GRM7: variants seen among roughly 807,000 people sequenced by gnomAD.
The protein encoded by GRM7 is metabotropic glutamate receptor 7.
In GRM7, 35 loss-of-function variants were observed where a neutral mutation model predicts 84.5. The observed-to-expected ratio is 0.41, with a 90% CI of 0.32 to 0.55. The LOEUF is 0.55. GRM7 is among the 20% of genes least tolerant of loss of function. The probability of loss-of-function intolerance (pLI) is 0.19; values close to 1 mark genes in which losing one functional copy is unlikely to be tolerated. For synonymous variants in GRM7, 487 were observed against 455.1 expected (o/e 1.07, Z -0.89); for missense variants, 1,003 against 1,194.6 (o/e 0.84, Z 2.36).
chr3:7,518,180 C>G (rs912317074), intron 7 of GRM7, among the ~76,000 whole-genome samples: 2 of 152,200 alleles, frequency 1.3e-5, no homozygotes, highest in Non-Finnish European at 2.9e-5. Context: ...GAGAGCACAG[C>G]TGTGGTGTGA....
At chr3:6,922,033 G>A (rs144978151) in intron 1 of GRM7, among the ~76,000 whole-genome samples, 9 of 152,326 alleles carry the variant, frequency 5.9e-5, no homozygotes, top group East Asian at 3.9e-4. Context: ...TTGGAGGGCC[G>A]TGGGGTTAGG....
At chr3:7,457,681 T>C in intron 6 of GRM7, among the ~76,000 whole-genome samples, 1 of 152,216 alleles carries the variant, frequency 6.6e-6, no homozygotes, top group East Asian at 1.9e-4. Context: ...GTGACTAATT[T>C]GGAAGTAGCA....
chr3:7,019,626 TAAC>T (rs1439489490), intron 1 of GRM7, among the ~76,000 whole-genome samples: 3 of 152,200 alleles, frequency 2.0e-5, no homozygotes, highest in Non-Finnish European at 4.4e-5. Context: ...GAAAGTGGTG[TAAC>T]AACTCTGAAA....
chr3:7,199,488 A>G (rs1695992478), intron 2 of GRM7, among the ~76,000 whole-genome samples: 1 of 152,236 alleles, frequency 6.6e-6, no homozygotes. Context: ...CTGGAGTATC[A>G]TGCTATGCAG....
chr3:7,211,338 T>G (rs1390942324), intron 2 of GRM7, among the ~76,000 whole-genome samples: 3 of 152,194 alleles, frequency 2.0e-5, no homozygotes, highest in Admixed American at 2.0e-4. Context: ...ATCAGATTTC[T>G]TACAGGTAAG....
intron 1 of GRM7, among the ~76,000 whole-genome samples, chr3:6,940,290 C>T (rs1217923720): frequency 6.6e-6 from 1 of 152,092 alleles, no homozygotes; most frequent in African/African-American, 2.4e-5. Context: ...TGGGGTTTCA[C>T]CATGTTGGCC....
At chr3:7,234,977 A>G (rs574433104) in intron 2 of GRM7, among the ~76,000 whole-genome samples, 1 of 152,326 alleles carries the variant, frequency 6.6e-6, no homozygotes, top group African/African-American at 2.4e-5. Context: ...TCTTGCCTGT[A>G]CTGAAACTTA....
chr3:7,108,242 C>T (rs1456612254), intron 1 of GRM7, among the ~76,000 whole-genome samples: 3 of 152,142 alleles, frequency 2.0e-5, no homozygotes, highest in South Asian at 2.1e-4. Context: ...ACATCGGCAT[C>T]CATGTGAGGG....
chr3:7,537,438 T>C (rs1469622588), intron 7 of GRM7, among the ~76,000 whole-genome samples: 1 of 152,192 alleles, frequency 6.6e-6, no homozygotes, highest in Non-Finnish European at 1.5e-5. Context: ...TGGCTTGAGA[T>C]AGACAGGGGT....
At chr3:7,029,032 G>A (rs989772207) in intron 1 of GRM7, among the ~76,000 whole-genome samples, 2 of 152,136 alleles carry the variant, frequency 1.3e-5, no homozygotes, top group African/African-American at 4.8e-5. Context: ...GGTTGGGCAC[G>A]GTGGCTCATG....
chr3:7,261,289 T>G (rs573157543), intron 2 of GRM7, among the ~76,000 whole-genome samples: 1 of 152,372 alleles, frequency 6.6e-6, no homozygotes, highest in African/African-American at 2.4e-5. Flanking sequence ...AAGATCAGGT[T>G]ATTTAATTTC....
intron 7 of GRM7, among the ~76,000 whole-genome samples, chr3:7,470,347 G>T (rs956792265): frequency 5.3e-5 from 8 of 152,206 alleles, no homozygotes; most frequent in African/African-American, 1.9e-4. Context: ...TAAAAGGGTT[G>T]ATAAATGCAG....
intron 7 of GRM7, among the ~76,000 whole-genome samples, chr3:7,512,444 T>C (rs963411423): frequency 1.3e-5 from 2 of 152,180 alleles, no homozygotes; most frequent in African/African-American, 4.8e-5. Context: ...ACACAGTGGG[T>C]AAAGAGAATG....
At chr3:7,703,926 T>C (rs999138773) in intron 9 of GRM7, among the ~76,000 whole-genome samples, 3 of 152,242 alleles carry the variant, frequency 2.0e-5, no homozygotes, top group Non-Finnish European at 4.4e-5. Context: ...CCCTTCATAC[T>C]ATCTTGTCTC....
At chr3:7,266,979 T>C (rs1698665752) in intron 2 of GRM7, among the ~76,000 whole-genome samples, 1 of 152,188 alleles carries the variant, frequency 6.6e-6, no homozygotes, top group South Asian at 2.1e-4. Flanking sequence ...TTATCTTAAT[T>C]TGCAACAGTG....
chr3:7,579,021 C>T lies in GRM7; in HGVS notation c.2115C>T (p.Ile705=), dbSNP rs1695105283. Residue 705 remains isoleucine, a synonymous_variant, in exon 8 of 10, where the codon ATC becomes ATT. Transcript: ENST00000357716. The stretch of plus-strand genomic sequence containing the variant: ...TAAGCCCAACATCACAACTGGCAAT[C>T]ACTTCCAGTTTAATATCAGTTCAGC... ...RLISPTSQLA[I]TSSLISVQLL... The T allele has an allele frequency of 1.2e-6, 2 of 1,613,838 alleles. No individual in the cohort carries two copies. The highest frequency in any genetic ancestry group is 1.7e-5 in the Admixed American group (1 of 60,008).
intron 1 of GRM7, among the ~76,000 whole-genome samples, chr3:7,061,565 T>A (rs1697434700): frequency 6.6e-6 from 1 of 151,734 alleles, no homozygotes; most frequent in African/African-American, 2.4e-5. Flanking sequence ...AACATTTATA[T>A]ATTACCCTTT....
intron 4 of GRM7, among the ~76,000 whole-genome samples, chr3:7,392,083 G>A (rs1303138017): frequency 1.3e-5 from 2 of 152,170 alleles, no homozygotes; most frequent in Non-Finnish European, 2.9e-5. Flanking sequence ...GGCAGACTGT[G>A]CTATCCCCTC....
At chr3:6,940,158 C>T (rs912639123) in intron 1 of GRM7, among the ~76,000 whole-genome samples, 15 of 152,114 alleles carry the variant, frequency 9.9e-5, no homozygotes, top group African/African-American at 2.9e-4. Flanking sequence ...GTGGCACAAT[C>T]GTGGCTCACT....
Sources: gnomAD v4.1 joint callset for allele counts (sites outside exome capture counted in the v4.1 genomes callset) on GRCh38, gnomAD v4.1.1 for gene constraint, MANE v1.5 for transcripts, NCBI Gene and HGNC (gene_info 2026-07-23, HGNC 2026-07-21) for gene names.